SHROOM3: variants seen among roughly 807,000 people sequenced by gnomAD.
SHROOM3 encodes shroom family member 3.
SHROOM3 carries 47 observed loss-of-function variants against 138.6 expected under a neutral mutation model. That is an observed-to-expected ratio of 0.34 (90% CI 0.27 to 0.43). The LOEUF is 0.43. SHROOM3 is among the 20% of genes least tolerant of loss of function. SHROOM3 has a pLI of 1.00. For missense variants in SHROOM3, 2,491 were observed against 2,596.5 expected, an observed-to-expected ratio of 0.96 and a Z score of 0.88; for synonymous variants, 1,062 against 1,063.3, an observed-to-expected ratio of 1.00 and a Z score of 0.02.
intron 8 of SHROOM3, chr4:76,757,146 A>G (rs988718352): frequency 2.0e-5 from 13 of 635,074 alleles, no homozygotes; most frequent in African/African-American, 1.3e-4. Flanking sequence ...AGTAATAATT[A>G]TAATAATTGC....
chr4:76,716,359 A>G, intron 3 of SHROOM3: 1 of 519,042 alleles, frequency 1.9e-6, no homozygotes, highest in Non-Finnish European at 3.8e-6. Flanking sequence ...ACTGAATATG[A>G]CATCCAATTG....
At chr4:76,448,809 C>T (rs1372888470) in intron 1 of SHROOM3, among the ~76,000 whole-genome samples, 1 of 152,188 alleles carries the variant, frequency 6.6e-6, no homozygotes, top group African/African-American at 2.4e-5. Context: ...TAGCCAGACC[C>T]TAAAGACTAA....
intron 1 of SHROOM3, among the ~76,000 whole-genome samples, chr4:76,460,174 T>G (rs1731111152): frequency 6.6e-6 from 1 of 152,206 alleles, no homozygotes; most frequent in Non-Finnish European, 1.5e-5. Context: ...GAGGGCTACA[T>G]AAGTTTAAAA....
intron 2 of SHROOM3, among the ~76,000 whole-genome samples, chr4:76,632,846 T>C (rs72661459): frequency 0.12 from 17,654 of 152,120 alleles, 1,114 homozygotes; most frequent in African/African-American, 0.16. Flanking sequence ...CCATGTTGCC[T>C]TTACCAATCT....
At chr4:76,501,243 G>A (rs368610551) in intron 1 of SHROOM3, among the ~76,000 whole-genome samples, 19 of 152,120 alleles carry the variant, frequency 1.2e-4, no homozygotes, top group African/African-American at 3.4e-4. Context: ...TTGCCTTTTC[G>A]TTCTCTTAAG....
chr4:76,470,845 A>G (rs983029103), intron 1 of SHROOM3, among the ~76,000 whole-genome samples: 17 of 152,318 alleles, frequency 1.1e-4, no homozygotes, highest in African/African-American at 3.8e-4. Context: ...TTCAAGCAGA[A>G]TTTAATTCAT....
chr4:76,683,333 A>G (rs1719250414), intron 2 of SHROOM3, among the ~76,000 whole-genome samples: 1 of 152,214 alleles, frequency 6.6e-6, no homozygotes, highest in Non-Finnish European at 1.5e-5. Flanking sequence ...TTATATTAAC[A>G]GCCTGGGGTG....
chr4:76,778,222 ATTTTTTTTT>A lies in SHROOM3; in HGVS notation c.5623-578_5623-570del, dbSNP rs71212454. Among the ~76,000 whole-genome samples, 6 of 139,934 alleles carry A rather than the reference ATTTTTTTTT, an allele frequency of 4.3e-5. No homozygotes were observed. In the South Asian group the frequency reaches 9.3e-4, roughly 22 times the overall value. The allele number at this position is 139,934 out of a possible 152,430, so 91.8% of individuals were successfully genotyped here. A position where few individuals can be genotyped will look rare whatever the true frequency, so the allele number is the denominator to read the frequency against. On this transcript the variant is annotated intron_variant, in intron 10 of 10. Coordinates refer to ENST00000296043, the MANE Select transcript of SHROOM3 (RefSeq NM_020859.4). ...TGTATATACTCAAGGTACCTTGATG[ATTTTTTTTT>A]TTTTTTTTGAGACAAGAGTCTCACT... is the stretch of plus-strand genomic sequence containing the variant.
chr4:76,743,995 A>G (rs1313296316), intron 5 of SHROOM3, among the ~76,000 whole-genome samples: 1 of 152,220 alleles, frequency 6.6e-6, no homozygotes, highest in Non-Finnish European at 1.5e-5. Flanking sequence ...CCAAATCATT[A>G]TTGTTTATTC....
At chr4:76,726,541 T>TAAAAAAAAAAAAAAAAAA (rs61455146) in intron 3 of SHROOM3, among the ~76,000 whole-genome samples, 3 of 90,836 alleles carry the variant, frequency 3.3e-5, no homozygotes, top group African/African-American at 1.3e-4. Context: ...CCCCTCCATC[T>TAAAAAAAAAAAAAAAAAA]AAAAAAAAAA....
chr4:76,676,891 A>C (rs895349176), intron 2 of SHROOM3, among the ~76,000 whole-genome samples: 22 of 148,360 alleles, frequency 1.5e-4, no homozygotes, highest in East Asian at 8.0e-4. Flanking sequence ...TGCAGTGAGC[A>C]GAGATGGCGC....
chr4:76,605,055 T>C (rs1332719076), intron 2 of SHROOM3, among the ~76,000 whole-genome samples: 1 of 152,170 alleles, frequency 6.6e-6, no homozygotes, highest in Non-Finnish European at 1.5e-5. Context: ...ATTAAACTGA[T>C]TTGGATTTAA....
At chr4:76,705,488 C>A (rs1265008612) in intron 2 of SHROOM3, among the ~76,000 whole-genome samples, 1 of 152,172 alleles carries the variant, frequency 6.6e-6, no homozygotes, top group Non-Finnish European at 1.5e-5. Context: ...CAGAGCAAGA[C>A]CCTGTCTCAA....
At chr4:76,503,585 C>T (rs991338147) in intron 1 of SHROOM3, among the ~76,000 whole-genome samples, 1 of 152,070 alleles carries the variant, frequency 6.6e-6, no homozygotes, top group Non-Finnish European at 1.5e-5. Context: ...TGGACCACCA[C>T]GCCCAGCTAA....
At chr4:76,703,789 A>G (rs1719969344) in intron 2 of SHROOM3, among the ~76,000 whole-genome samples, 1 of 152,210 alleles carries the variant, frequency 6.6e-6, no homozygotes, top group Middle Eastern at 3.2e-3. Flanking sequence ...GAGTGTACAC[A>G]CCCAACATAA....
At chr4:76,558,392 A>T (rs1219672818) in intron 2 of SHROOM3, among the ~76,000 whole-genome samples, 1 of 152,170 alleles carries the variant, frequency 6.6e-6, no homozygotes, top group African/African-American at 2.4e-5. Context: ...TACACAGTGG[A>T]TATGCAATAT....
chr4:76,652,099 A>G (rs1384841926), intron 2 of SHROOM3, among the ~76,000 whole-genome samples: 1 of 152,220 alleles, frequency 6.6e-6, no homozygotes, highest in Non-Finnish European at 1.5e-5. Context: ...GTTCAATTCA[A>G]TTCCAAAAAA....
At chr4:76,571,386 G>A (rs1733829794) in intron 2 of SHROOM3, among the ~76,000 whole-genome samples, 1 of 152,220 alleles carries the variant, frequency 6.6e-6, no homozygotes, top group African/African-American at 2.4e-5. Context: ...GAGGAGTTGG[G>A]CTTGGCCAAT....
At chr4:76,658,050 C>T (rs376244175) in intron 2 of SHROOM3, among the ~76,000 whole-genome samples, 19 of 152,158 alleles carry the variant, frequency 1.2e-4, no homozygotes, top group African/African-American at 3.1e-4. Flanking sequence ...AAAATGAAGT[C>T]GATAGCAATA....
Sources: allele counts gnomAD v4.1 joint callset (sites outside exome capture counted in the v4.1 genomes callset), GRCh38; gene constraint gnomAD v4.1.1; transcripts MANE v1.5; gene names NCBI Gene and HGNC (gene_info 2026-07-23, HGNC 2026-07-21).